Variants in RIMKLB observed in about 807,000 individuals in gnomAD.
RIMKLB encodes beta-citrylglutamate synthase B.
Under a neutral mutation model 32.0 loss-of-function variants are expected in RIMKLB, and 7 were observed. The observed-to-expected ratio is 0.22, with a 90% CI of 0.12 to 0.41. RIMKLB has a LOEUF of 0.41. RIMKLB is among the 10% of genes least tolerant of loss of function. RIMKLB has a pLI of 1.00. For missense variants in RIMKLB, 289 were observed against 498.7 expected (o/e 0.58, Z 4.00); for synonymous variants, 172 against 185.1 (o/e 0.93, Z 0.57).
intron 5 of RIMKLB, among the ~76,000 whole-genome samples, chr12:8,770,210 G>A (rs112120638): frequency 2.6e-5 from 4 of 152,210 alleles, no homozygotes; most frequent in Middle Eastern, 3.4e-3. Context: ...TGATCTGTTC[G>A]CCTCGACCTC....
intron 2 of RIMKLB, among the ~76,000 whole-genome samples, chr12:8,728,340 T>C (rs1946225961): frequency 1.3e-5 from 2 of 152,162 alleles, no homozygotes; most frequent in African/African-American, 4.8e-5. Context: ...GGAACTGGAG[T>C]AAATAGGCCT....
chr12:8,689,715 C>T (rs112586872), intron 1 of RIMKLB, among the ~76,000 whole-genome samples: 1,651 of 152,108 alleles, frequency 0.011, 29 homozygotes, highest in African/African-American at 0.037. Flanking sequence ...GTCCTTTCTC[C>T]GGTGTCTTTG....
At chr12:8,750,168 A>G in intron 3 of RIMKLB, 76 bp downstream of exon 3, 1 of 852,900 alleles carries the variant, frequency 1.2e-6, no homozygotes, top group Admixed American at 1.9e-5. Context: ...TACAGACATG[A>G]AAGAACACCT....
intron 2 of RIMKLB, among the ~76,000 whole-genome samples, chr12:8,745,500 T>A (rs1464898980): frequency 2.0e-5 from 3 of 151,594 alleles, no homozygotes; most frequent in Non-Finnish European, 4.4e-5. Flanking sequence ...GTTCAAGCAG[T>A]TCTTCTACCT....
At chr12:8,728,489 TA>T (rs2137235594) in intron 2 of RIMKLB, among the ~76,000 whole-genome samples, 1 of 152,296 alleles carries the variant, frequency 6.6e-6, no homozygotes, top group Non-Finnish European at 1.5e-5. Flanking sequence ...AGGTGGAACA[TA>T]ATGTCCAGAG....
upstream of RIMKLB, among the ~76,000 whole-genome samples, chr12:8,692,264 A>G (rs751828041): frequency 2.6e-5 from 4 of 152,322 alleles, no homozygotes; most frequent in South Asian, 4.1e-4. Context: ...TGAGGCTACA[A>G]TGAGTTTATA....
chr12:8,712,879 G>A (rs1460718831), intron 1 of RIMKLB, among the ~76,000 whole-genome samples: 1 of 152,062 alleles, frequency 6.6e-6, no homozygotes, highest in East Asian at 1.9e-4. Flanking sequence ...CATGTTATCT[G>A]GAATAATACT....
intron 5 of RIMKLB, among the ~76,000 whole-genome samples, chr12:8,764,016 G>A (rs1157004265): frequency 1.3e-5 from 2 of 152,156 alleles, no homozygotes; most frequent in African/African-American, 2.4e-5. Flanking sequence ...AGGTATAGCT[G>A]GGTATAGAGG....
intron 1 of RIMKLB, among the ~76,000 whole-genome samples, chr12:8,688,551 A>T (rs1942644082): frequency 6.6e-6 from 1 of 152,202 alleles, no homozygotes; most frequent in Admixed American, 6.5e-5. Context: ...TTCTCCTGGT[A>T]CTCCAGTGAC....
At position 8,687,819 on chromosome 12, in the gene RIMKLB, AG is replaced by A. The variant is rs1421756001; in HGVS notation, n.219+6002del. Among the ~76,000 whole-genome samples the A allele has an allele frequency of 1.1e-4, 15 of 140,472 alleles. 1 individual carries two copies. In the East Asian group the frequency reaches 1.2e-3, roughly 11 times the overall value. 92.2% of individuals were successfully genotyped at this position (140,472 alleles called of 152,430 possible). On this transcript the variant is annotated intron_variant and non_coding_transcript_variant, in intron 1 of 1. Coordinates refer to the RIMKLB transcript ENST00000538758. ...TGCTAGAGCAAGTTCCAAGTCAGGA[AG>A]AAAAAAAAAAAAAAAAAAAAAGCAG...
upstream of RIMKLB, chr12:8,697,698 G>A (rs780929754): frequency 4.7e-5 from 14 of 300,830 alleles, no homozygotes; most frequent in Non-Finnish European, 7.2e-6. Flanking sequence ...CTCCCCGCGC[G>A]CGATCCATCG....
At chr12:8,754,257 CTTGA>C (rs1948844641) in intron 5 of RIMKLB, among the ~76,000 whole-genome samples, 164 bp downstream of exon 5, 1 of 152,082 alleles carries the variant, frequency 6.6e-6, no homozygotes, top group African/African-American at 2.4e-5. Flanking sequence ...TAATTAAACT[CTTGA>C]GTTATTTTTC....
intron 1 of RIMKLB, among the ~76,000 whole-genome samples, chr12:8,710,906 T>C (rs868724704): frequency 2.7e-5 from 4 of 149,510 alleles, no homozygotes; most frequent in South Asian, 2.1e-4. Flanking sequence ...AGTGGGAGGA[T>C]TGGTTGAGGC....
At chr12:8,701,731 G>T (rs1033689642) in intron 1 of RIMKLB, among the ~76,000 whole-genome samples, 2 of 151,056 alleles carry the variant, frequency 1.3e-5, no homozygotes, top group African/African-American at 4.9e-5. Flanking sequence ...GGGGCCAGGT[G>T]CGGTGGCTCA....
intron 2 of RIMKLB, among the ~76,000 whole-genome samples, chr12:8,729,835 G>A (rs1946379501): frequency 6.6e-6 from 1 of 152,098 alleles, no homozygotes; most frequent in African/African-American, 2.4e-5. Context: ...AGTGTACAAG[G>A]GTTTCAACTT....
chr12:8,772,033 C>T (rs1950449745), intron 5 of RIMKLB, among the ~76,000 whole-genome samples: 2 of 152,076 alleles, frequency 1.3e-5, no homozygotes, highest in African/African-American at 4.8e-5. Flanking sequence ...GAACTATAGG[C>T]GCCTGCCACC....
intron 5 of RIMKLB, among the ~76,000 whole-genome samples, chr12:8,763,715 T>C (rs911440692): frequency 6.6e-6 from 1 of 152,254 alleles, no homozygotes; most frequent in African/African-American, 2.4e-5. Context: ...ACACAAGGTT[T>C]CTGAATGGGC....
chr12:8,717,317 G>A (rs374265766), intron 2 of RIMKLB, among the ~76,000 whole-genome samples: 9 of 152,154 alleles, frequency 5.9e-5, no homozygotes, highest in Admixed American at 3.3e-4. Context: ...TCTCAAAGCC[G>A]TTTAAAAAAT....
the RIMKLB span, among the ~76,000 whole-genome samples, chr12:8,673,025 G>A: frequency 6.6e-6 from 1 of 152,152 alleles, no homozygotes; most frequent in South Asian, 2.1e-4. Flanking sequence ...GGAATTACAG[G>A]TGCCCGCCAC....
Sources: allele counts gnomAD v4.1 joint callset (sites outside exome capture counted in the v4.1 genomes callset), GRCh38; gene constraint gnomAD v4.1.1; transcripts MANE v1.5; gene names NCBI Gene and HGNC (gene_info 2026-07-23, HGNC 2026-07-21).